Variants in CCDC57 observed in about 807,000 individuals in gnomAD.
CCDC57 encodes coiled-coil domain containing 57, also known as coiled-coil domain-containing protein 57.
A neutral mutation model predicts 118.9 loss-of-function variants in CCDC57; 118 were observed. The ratio of observed to expected loss-of-function variants is 0.99; its 90% CI spans 0.86 to 1.16. CCDC57 has a LOEUF of 1.16. CCDC57 is among the 50% of genes most tolerant of loss of function. CCDC57 has a pLI of 0.00. For missense variants in CCDC57, 1,300 were observed against 1,320.7 expected, an observed-to-expected ratio of 0.98 and a Z score of 0.24; for synonymous variants, 527 against 532.9, an observed-to-expected ratio of 0.99 and a Z score of 0.15.
At chr17:82,176,529 G>A (rs771721698) in intron 11 of CCDC57, among the ~76,000 whole-genome samples, 2 of 152,064 alleles carry the variant, frequency 1.3e-5, no homozygotes, top group Non-Finnish European at 2.9e-5. Context: ...ACAGCCACAC[G>A]TCCTCACTAC....
chr17:82,103,519 G>T (rs141425717), intron 19 of CCDC57, among the ~76,000 whole-genome samples: 1 of 152,164 alleles, frequency 6.6e-6, no homozygotes, highest in Non-Finnish European at 1.5e-5. Context: ...GGGGTATCCC[G>T]TGGAAAGGGC....
At chr17:82,113,838 C>G in intron 19 of CCDC57, 2 of 596,520 alleles carry the variant, frequency 3.4e-6, no homozygotes, top group South Asian at 3.9e-5. Flanking sequence ...CTCAGCTACT[C>G]AGGAGACAAA....
chr17:82,127,951 C>T, intron 18 of CCDC57, 43 bp from the exon 18 acceptor site: 1 of 1,602,132 alleles, frequency 6.2e-7, no homozygotes, highest in Non-Finnish European at 8.5e-7. Context: ...CTCTCCAACC[C>T]AGAGGAAGCC....
At position 82,160,935 on chromosome 17, in the gene CCDC57, A is replaced by AATG. The variant is rs556542320; in HGVS notation, c.2040+2262_2040+2264dup. ...AAGACAAACCACAGAATGGGAGAAA[A>AATG]ATGTAGCAAATCATATATCTAATAA... is the stretch of plus-strand genomic sequence containing the variant. On this transcript the variant is annotated intron_variant, in intron 14 of 19. Transcript: ENST00000665763. Among the ~76,000 whole-genome samples, 792 of 151,942 alleles carry AATG rather than the reference A, an allele frequency of 5.2e-3. 3 individuals are homozygous for AATG. The highest frequency in any genetic ancestry group is 7.9e-3 in the Non-Finnish European group (538 of 67,960).
At chr17:82,148,954 GA>G (rs1332860955) in intron 16 of CCDC57, among the ~76,000 whole-genome samples, 638 of 47,400 alleles carry the variant, frequency 0.013, no homozygotes, top group Non-Finnish European at 0.017. Flanking sequence ...GTGGATGGTA[GA>G]TGGATGGATG....
intron 2 of CCDC57, among the ~76,000 whole-genome samples, chr17:82,203,804 C>T (rs1195969131): frequency 2.0e-5 from 3 of 152,198 alleles, no homozygotes; most frequent in Admixed American, 6.5e-5. Context: ...CACAAACTTC[C>T]GGCCTGGTGG....
intron 16 of CCDC57, among the ~76,000 whole-genome samples, chr17:82,136,876 C>G (rs1203843790): frequency 2.0e-5 from 3 of 152,198 alleles, no homozygotes; most frequent in Non-Finnish European, 4.4e-5. Context: ...AGCCACTGCA[C>G]CCAGCTGAAA....
In CCDC57 at chr17:82,172,793, C is replaced by T. The variant is rs761815142; in HGVS notation, c.1574G>A (p.Arg525Gln). 1.4e-5 allele frequency: 23 copies of T among 1,613,378 alleles called. 1 individual carries two copies. Among genetic ancestry groups the T allele is most frequent in the South Asian group, 1.2e-4 (11 of 90,906 alleles). ...GTTTCGCAAGCTCGTGTTCTGCTCT[C>T]GGAGCCGCTGGATCTCACTGGATGG... is the stretch of plus-strand genomic sequence containing the variant. Residue 525 changes from arginine to glutamine, a missense_variant, in exon 12 of 20, where the codon CGA becomes CAA. Transcript: ENST00000665763. This position sits in a 1 kb window ranked among gnomAD's most constrained non-coding sequence, Gnocchi z 5.2.
At chr17:82,210,105 T>G (rs1400219812) in intron 1 of CCDC57, among the ~76,000 whole-genome samples, 1 of 151,922 alleles carries the variant, frequency 6.6e-6, no homozygotes, top group Admixed American at 6.6e-5. Flanking sequence ...AGAGGCCAAC[T>G]TGAAGGGGCT....
At chr17:82,168,135 A>AAT (rs1461206123) in intron 13 of CCDC57, among the ~76,000 whole-genome samples, 1 of 152,196 alleles carries the variant, frequency 6.6e-6, no homozygotes, top group African/African-American at 2.4e-5. Flanking sequence ...ATTTTTACTG[A>AAT]ATGTATAATT....
chr17:82,157,541 G>A, intron 15 of CCDC57: 4 of 1,428,214 alleles, frequency 2.8e-6, no homozygotes, highest in South Asian at 3.0e-5. Context: ...GAAGGACCAG[G>A]AGAAGAGGAG....
chr17:82,130,501 T>TTC (rs2038179316), intron 17 of CCDC57, among the ~76,000 whole-genome samples: 1 of 136,830 alleles, frequency 7.3e-6, no homozygotes, highest in African/African-American at 2.8e-5. Flanking sequence ...AGACAAAACT[T>TTC]TTTTTTTTTT....
chr17:82,127,968 C>T, intron 18 of CCDC57, 60 bp from the exon 18 acceptor site: 1 of 1,587,344 alleles, frequency 6.3e-7, no homozygotes, highest in South Asian at 1.1e-5. Context: ...AGCCACAGGA[C>T]TCCCCCCAAC....
exon 8 of CCDC57, chr17:82,188,299 G>C (rs1247073412): frequency 6.3e-7 from 1 of 1,596,950 alleles, no homozygotes. Flanking sequence ...CGAGGGTCTC[G>C]CAGTGGGCCT....
chr17:82,157,970 G>A (rs1457306608), intron 14 of CCDC57, 22 bp from the exon 14 acceptor site: 2 of 1,545,688 alleles, frequency 1.3e-6, no homozygotes, highest in Non-Finnish European at 1.7e-6. Flanking sequence ...TTCAAAGGCA[G>A]TGTGAGGAAT....
intron 16 of CCDC57, among the ~76,000 whole-genome samples, chr17:82,146,696 T>C (rs1036039740): frequency 5.3e-5 from 8 of 152,218 alleles, no homozygotes; most frequent in Admixed American, 2.0e-4. Context: ...CAAACTTCCA[T>C]TGAGTCCTCC....
intron 16 of CCDC57, among the ~76,000 whole-genome samples, chr17:82,150,406 C>T (rs1315074777): frequency 2.6e-3 from 303 of 116,800 alleles, no homozygotes; most frequent in East Asian, 5.6e-3. Context: ...CAGAACCAGG[C>T]GCACACCCAG....
At chr17:82,128,287 CCCT>C (rs2037773281) in intron 18 of CCDC57, among the ~76,000 whole-genome samples, 1 of 152,146 alleles carries the variant, frequency 6.6e-6, no homozygotes, top group South Asian at 2.1e-4. Context: ...GGTCCCGGGG[CCCT>C]CCTAACACTC....
At chr17:82,199,391 C>G (rs532074323) in intron 3 of CCDC57, among the ~76,000 whole-genome samples, 33 of 147,596 alleles carry the variant, frequency 2.2e-4, no homozygotes, top group Admixed American at 7.1e-4. Flanking sequence ...GGCAGGAGAA[C>G]CCCTTGAACC....
Sources: gnomAD v4.1 joint callset for allele counts (sites outside exome capture counted in the v4.1 genomes callset) on GRCh38, gnomAD v4.1.1 for gene constraint, Gnocchi (gnomAD v3.1) non-coding constraint, MANE v1.5 for transcripts, NCBI Gene and HGNC (gene_info 2026-07-23, HGNC 2026-07-21) for gene names.